Variants in PPP1R13B observed in about 807,000 individuals in gnomAD.
PPP1R13B encodes the protein protein phosphatase 1 regulatory subunit 13B.
In PPP1R13B, 44 loss-of-function variants were observed where a neutral mutation model predicts 119.8. That is an observed-to-expected ratio of 0.37 (90% CI 0.29 to 0.47). The LOEUF is 0.47. Among genes scored for constraint, PPP1R13B ranks in the 20% least tolerant of loss-of-function variants. The probability of loss-of-function intolerance (pLI) is 0.99; values close to 1 mark genes in which losing one functional copy is unlikely to be tolerated. For missense variants in PPP1R13B, 1,227 were observed against 1,413.5 expected (o/e 0.87, Z 2.12); for synonymous variants, 542 against 561.5 (o/e 0.97, Z 0.49).
chr14:103,757,814 C>G (rs193129816), intron 4 of PPP1R13B, 63 bp from the exon 5 acceptor site: 1 of 1,372,082 alleles, frequency 7.3e-7, no homozygotes, highest in African/African-American at 1.4e-5. Flanking sequence ...TCTCTAGTGT[C>G]AAAACTCACA....
At chr14:103,759,842 T>G (rs772886925) in intron 4 of PPP1R13B, among the ~76,000 whole-genome samples, 1 of 152,210 alleles carries the variant, frequency 6.6e-6, no homozygotes, top group African/African-American at 2.4e-5. Context: ...TTTACTTACC[T>G]AAACCAAAAA....
intron 1 of PPP1R13B, among the ~76,000 whole-genome samples, chr14:103,818,734 T>C (rs2086335876): frequency 6.6e-6 from 1 of 152,310 alleles, no homozygotes; most frequent in Admixed American, 6.5e-5. Context: ...TTCTTCATTA[T>C]ACAAATATTT....
chr14:103,766,086 G>T (rs1435702000), intron 4 of PPP1R13B, among the ~76,000 whole-genome samples: 3 of 151,430 alleles, frequency 2.0e-5, no homozygotes, highest in African/African-American at 7.3e-5. Flanking sequence ...TCGGCTCACT[G>T]CAACCTCCAC....
At chr14:103,784,740 T>C in intron 3 of PPP1R13B, 55 bp downstream of exon 3, 2 of 1,524,994 alleles carry the variant, frequency 1.3e-6, no homozygotes, top group Non-Finnish European at 1.8e-6. Flanking sequence ...CCTATTTTTC[T>C]TAAATTAACT....
chr14:103,794,719 C>G (rs547475042), intron 2 of PPP1R13B: 1 of 407,654 alleles, frequency 2.5e-6, no homozygotes, highest in Non-Finnish European at 4.8e-6. Flanking sequence ...CTGAGAAAGG[C>G]TGTTACAGTG....
intron 2 of PPP1R13B, among the ~76,000 whole-genome samples, chr14:103,795,511 G>T (rs2085737899): frequency 6.6e-6 from 1 of 152,150 alleles, no homozygotes. Flanking sequence ...CCAACCGAGT[G>T]ACTCGTATGA....
chr14:103,840,401 G>A (rs933314784), intron 1 of PPP1R13B, among the ~76,000 whole-genome samples: 6 of 152,156 alleles, frequency 3.9e-5, no homozygotes, highest in South Asian at 2.1e-4. Context: ...TCCTAAAACC[G>A]TTCAGAGTAG....
chr14:103,804,792 C>T (rs1314939613), intron 1 of PPP1R13B, among the ~76,000 whole-genome samples: 1 of 152,026 alleles, frequency 6.6e-6, no homozygotes, highest in African/African-American at 2.4e-5. Flanking sequence ...CAGACAATCA[C>T]AAGCATTGAC....
chr14:103,847,959 A>T (rs1449949341), upstream of PPP1R13B, among the ~76,000 whole-genome samples: 2 of 151,410 alleles, frequency 1.3e-5, no homozygotes, highest in Non-Finnish European at 2.9e-5. Context: ...GTGGGCCGGG[A>T]GCGTCCCTGC....
At position 103,808,106 on chromosome 14, in the gene PPP1R13B, G is replaced by A. The variant is rs191133730; in HGVS notation, c.10-10588C>T. On this transcript the variant is annotated intron_variant, in intron 1 of 16. Coordinates refer to ENST00000202556, the MANE Select transcript of PPP1R13B (RefSeq NM_015316.3). ...AAATACAAAAAAAAATTAGCTGGGC[G>A]TGGTGGCACCTGCCTATAATCCCAG... 3.7e-3 allele frequency among the ~76,000 whole-genome samples: 561 copies of A among 151,938 alleles called. 6 individuals carry two copies. Among genetic ancestry groups the A allele is most frequent in the African/African-American group, 0.013 (533 of 41,442 alleles).
intron 1 of PPP1R13B, among the ~76,000 whole-genome samples, chr14:103,829,659 G>A (rs1440943975): frequency 6.6e-6 from 1 of 152,204 alleles, no homozygotes; most frequent in Non-Finnish European, 1.5e-5. Flanking sequence ...ACCTAGGCTG[G>A]AGTTCAATGA....
chr14:103,846,867 G>T, intron 1 of PPP1R13B: 1 of 556,000 alleles, frequency 1.8e-6, no homozygotes, highest in Non-Finnish European at 3.1e-6. Context: ...CGAAGGCTAC[G>T]GGAATGCGCC....
intron 1 of PPP1R13B, among the ~76,000 whole-genome samples, chr14:103,845,050 T>G (rs2152091535): frequency 6.6e-6 from 1 of 152,338 alleles, no homozygotes; most frequent in Non-Finnish European, 1.5e-5. Context: ...AAATTAGTAC[T>G]TTTTCAACTT....
Position 103,735,149 on chromosome 14 carries a change from G to C in PPP1R13B, c.*5C>G. ...GCAAGACCATGCGGTGCTCCAAAAGGAAGTTCAGGCGAGTGTTCGCTGTCG... is the reference window on the plus strand; with the variant it reads ...GCAAGACCATGCGGTGCTCCAAAAGCAAGTTCAGGCGAGTGTTCGCTGTCG... On this transcript the variant is annotated 3_prime_UTR_variant, in exon 17 of 17. Coordinates refer to ENST00000202556, the MANE Select transcript of PPP1R13B (RefSeq NM_015316.3). The C allele has an allele frequency of 6.2e-7, 1 of 1,614,168 alleles. No individual in the cohort carries two copies. Among genetic ancestry groups the C allele is most frequent in the Non-Finnish European group, 8.5e-7 (1 of 1,180,008 alleles).
In PPP1R13B at chr14:103,733,891, A is replaced by AG. The variant is rs1328288007; in HGVS notation, c.*1262dup. ...CACACTATGTACAGTCAGTGCTCCA[A>AG]GGTGATGGGCTACAGTGCTGCATCA... On this transcript the variant is annotated 3_prime_UTR_variant, in exon 17 of 17. Coordinates refer to ENST00000202556, the MANE Select transcript of PPP1R13B (RefSeq NM_015316.3). The AG allele has an allele frequency of 1.1e-4, 17 of 153,498 alleles. No homozygotes were observed. Among genetic ancestry groups the AG allele is most frequent in the African/African-American group, 4.1e-4 (17 of 41,448 alleles). The allele number at this position is 153,498 out of a possible 1,614,324, so 9.5% of individuals were successfully genotyped here. A position where few individuals can be genotyped will look rare whatever the true frequency, so the allele number is the denominator to read the frequency against.
chr14:103,803,379 C>G (rs977909240), intron 1 of PPP1R13B, among the ~76,000 whole-genome samples: 1 of 152,274 alleles, frequency 6.6e-6, no homozygotes, highest in South Asian at 2.1e-4. Context: ...TGCGGTGGCT[C>G]ACACCTGTAA....
chr14:103,741,718 T>A, intron 11 of PPP1R13B, 72 bp downstream of exon 11: 3 of 1,496,674 alleles, frequency 2.0e-6, no homozygotes, highest in Non-Finnish European at 2.7e-6. Flanking sequence ...CGTAAAGAAA[T>A]ACATTAGTAT....
intron 4 of PPP1R13B, among the ~76,000 whole-genome samples, chr14:103,765,654 C>T (rs1015785084): frequency 9.2e-5 from 14 of 152,174 alleles, no homozygotes; most frequent in Non-Finnish European, 1.5e-5. Context: ...ATATTTCACT[C>T]ATGCTCTTCC....
intron 1 of PPP1R13B, among the ~76,000 whole-genome samples, chr14:103,834,581 C>CTTTTTTTTT (rs1157222905): frequency 2.2e-5 from 2 of 89,378 alleles, no homozygotes; most frequent in Non-Finnish European, 4.3e-5. Flanking sequence ...ATTTTAATGT[C>CTTTTTTTTT]TTTTTTTTTT....
Sources: gnomAD v4.1 joint callset for allele counts (sites outside exome capture counted in the v4.1 genomes callset) on GRCh38, gnomAD v4.1.1 for gene constraint, MANE v1.5 for transcripts, NCBI Gene and HGNC (gene_info 2026-07-23, HGNC 2026-07-21) for gene names.